The following RALGAPA2 variants were observed in gnomAD, a reference collection of about 807,000 sequenced individuals.
RALGAPA2 encodes the protein ral GTPase-activating protein subunit alpha-2.
Under a neutral mutation model 230.4 loss-of-function variants are expected in RALGAPA2, and 139 were observed. The ratio of observed to expected loss-of-function variants is 0.60; its 90% CI spans 0.53 to 0.69. The LOEUF (loss-of-function observed/expected upper bound fraction) is 0.69, where lower values mean the gene tolerates loss of function less well. Ranked by LOEUF, RALGAPA2 falls within the 30% of genes least tolerant of loss-of-function variation. The probability of loss-of-function intolerance (pLI) is 0.00; values close to 1 mark genes in which losing one functional copy is unlikely to be tolerated. For synonymous variants in RALGAPA2, 847 were observed against 837.8 expected (o/e 1.01, Z -0.19); for missense variants, 2,163 against 2,276.0 (o/e 0.95, Z 1.01).
At chr20:20,537,205 C>T (rs1416416302) in intron 24 of RALGAPA2, among the ~76,000 whole-genome samples, 1 of 152,048 alleles carries the variant, frequency 6.6e-6, no homozygotes, top group Non-Finnish European at 1.5e-5. Flanking sequence ...AAAGAGAAGA[C>T]AAACTATCAA....
chr20:20,536,802 G>T lies in RALGAPA2; in HGVS notation c.3286-18C>A. The T allele has an allele frequency of 6.2e-7, 1 of 1,605,572 alleles. No individual in the cohort carries two copies. Among genetic ancestry groups the T allele is most frequent in the South Asian group, 1.1e-5 (1 of 89,972 alleles). ...CGAGGCGCCTGCACATAAGGAAGAG[G>T]AGCACACACATTTCTCTTTTTGTAA... On this transcript the variant is annotated intron_variant, in intron 24 of 39. Transcript: ENST00000202677.
chr20:20,418,641 T>C (rs1472775976), intron 37 of RALGAPA2, among the ~76,000 whole-genome samples: 3 of 152,212 alleles, frequency 2.0e-5, no homozygotes, highest in Non-Finnish European at 2.9e-5. Context: ...AAATGAACTA[T>C]AGGCATGTGT....
intron 23 of RALGAPA2, among the ~76,000 whole-genome samples, chr20:20,551,139 T>G (rs2063913571): frequency 6.6e-6 from 1 of 152,238 alleles, no homozygotes; most frequent in Admixed American, 6.5e-5. Context: ...CATTTTAGAT[T>G]TTCTAGGATT....
At position 20,511,334 on chromosome 20, in the gene RALGAPA2, A is replaced by G; in HGVS notation, c.4857-9T>C. On this transcript the variant is annotated splice_polypyrimidine_tract_variant and intron_variant, in intron 32 of 39. Coordinates refer to ENST00000202677, the MANE Select transcript of RALGAPA2 (RefSeq NM_020343.4). ...ATAGATGAAAATTCTTCCTATAAAGAAAAAAGGATGGAAGAAAAACCATGT... is the reference window on the plus strand; with the variant it reads ...ATAGATGAAAATTCTTCCTATAAAGGAAAAAGGATGGAAGAAAAACCATGT... 5.8e-6 allele frequency: 9 copies of G among 1,541,790 alleles called. No individual in the cohort carries two copies. The highest frequency in any genetic ancestry group is 7.9e-6 in the Non-Finnish European group (9 of 1,145,498).
At chr20:20,485,649 A>C (rs2061892201) in intron 36 of RALGAPA2, among the ~76,000 whole-genome samples, 1 of 152,206 alleles carries the variant, frequency 6.6e-6, no homozygotes, top group Non-Finnish European at 1.5e-5. Context: ...ATACATTTAT[A>C]ACTAACCCAA....
intron 24 of RALGAPA2, among the ~76,000 whole-genome samples, chr20:20,544,720 G>A (rs138443454): frequency 0.089 from 13,504 of 152,218 alleles, 717 homozygotes; most frequent in Middle Eastern, 0.13. Flanking sequence ...GTCCTTTGCA[G>A]GGATATGGAT....
At chr20:20,586,384 G>A (rs2065135125) in intron 18 of RALGAPA2, among the ~76,000 whole-genome samples, 1 of 152,196 alleles carries the variant, frequency 6.6e-6, no homozygotes, top group Middle Eastern at 3.2e-3. Context: ...CAAACATACT[G>A]TTGAAATGTC....
intron 17 of RALGAPA2, 122 bp from the exon 18 acceptor site, chr20:20,589,487 G>A: frequency 9.2e-7 from 1 of 1,085,498 alleles, no homozygotes. Context: ...TGTAAAAACA[G>A]GAGTTATGGG....
chr20:20,559,713 G>A lies in RALGAPA2; in HGVS notation c.3156+11745C>T, dbSNP rs150391265. 1.9e-3 allele frequency among the ~76,000 whole-genome samples: 285 copies of A among 151,098 alleles called. 8 individuals are homozygous for A. In the East Asian group the frequency reaches 0.05, roughly 26 times the overall value. ...TTTAAGTGTAGATTTTTGAGCTAAT[G>A]AGGAAATAGGAGGAGGAGGGCTTTA... On this transcript the variant is annotated intron_variant, in intron 23 of 39. Transcript: ENST00000202677.
intron 35 of RALGAPA2, among the ~76,000 whole-genome samples, chr20:20,500,842 G>A (rs796503979): frequency 1.3e-5 from 2 of 152,300 alleles, no homozygotes; most frequent in African/African-American, 4.8e-5. Flanking sequence ...ATTACTCCTT[G>A]ATCTGTGGGT....
intron 39 of RALGAPA2, among the ~76,000 whole-genome samples, chr20:20,396,236 C>T (rs1263809959): frequency 2.0e-5 from 3 of 152,270 alleles, no homozygotes; most frequent in Non-Finnish European, 4.4e-5. Flanking sequence ...CATTCAGCAG[C>T]CCCCGCCACA....
intron 39 of RALGAPA2, among the ~76,000 whole-genome samples, chr20:20,395,679 G>A (rs2059699192): frequency 1.3e-5 from 2 of 152,152 alleles, no homozygotes; most frequent in South Asian, 4.1e-4. Flanking sequence ...TAAGCCTTGG[G>A]TGAGGGGAAG....
intron 1 of RALGAPA2, among the ~76,000 whole-genome samples, chr20:20,688,839 G>A (rs947186039): frequency 7.2e-5 from 11 of 152,116 alleles, no homozygotes; most frequent in East Asian, 1.9e-4. Flanking sequence ...TTTAAAAATC[G>A]AGGTAAAACC....
Position 20,589,252 on chromosome 20 carries a change from C to A in RALGAPA2, c.2439+16G>T. On this transcript the variant is annotated intron_variant, in intron 18 of 39. Transcript: ENST00000202677. ...TATTTTTAATGACAAACTGAAATGG[C>A]TTGAAAATATCTTACTGTTATTCCT... 4 of 1,542,078 alleles carry A rather than the reference C, an allele frequency of 2.6e-6. No homozygotes were observed. The highest frequency in any genetic ancestry group is 3.5e-6 in the Non-Finnish European group (4 of 1,142,780).
intron 37 of RALGAPA2, among the ~76,000 whole-genome samples, chr20:20,422,832 A>C (rs2060304607): frequency 6.6e-6 from 1 of 152,190 alleles, no homozygotes; most frequent in African/African-American, 2.4e-5. Context: ...CACAGCATTC[A>C]CAGCTTATAT....
chr20:20,418,630 T>C (rs894431307), intron 37 of RALGAPA2, among the ~76,000 whole-genome samples: 7 of 152,082 alleles, frequency 4.6e-5, no homozygotes, highest in Admixed American at 1.3e-4. Flanking sequence ...GCAGTGAAAA[T>C]AAATGAACTA....
At chr20:20,450,243 G>A (rs912583135) in intron 37 of RALGAPA2, among the ~76,000 whole-genome samples, 1 of 152,204 alleles carries the variant, frequency 6.6e-6, no homozygotes, top group Non-Finnish European at 1.5e-5. Flanking sequence ...TTTTGGGATG[G>A]ACTCTAAGTG....
chr20:20,712,522 C>T lies in RALGAPA2; in HGVS notation c.-42G>A. 6.6e-7 allele frequency: 1 copy of T among 1,523,208 alleles called. No individual in the cohort carries two copies. Among genetic ancestry groups the T allele is most frequent in the Non-Finnish European group, 8.8e-7 (1 of 1,135,744 alleles). 94.4% of individuals were successfully genotyped at this position (1,523,208 alleles called of 1,614,324 possible). On this transcript the variant is annotated 5_prime_UTR_variant, in exon 1 of 40. Coordinates refer to ENST00000202677, the MANE Select transcript of RALGAPA2 (RefSeq NM_020343.4). The surrounding 1 kb of genome is among the most constrained non-coding windows in gnomAD (Gnocchi z 5.5). ...CGGGCCCCGCCGGCGGGGCAGTAGG[C>T]GCCTGCGCCACGCGAATCAAAGCAT...
chr20:20,596,978 C>T (rs1184969872), intron 16 of RALGAPA2, among the ~76,000 whole-genome samples: 2 of 152,172 alleles, frequency 1.3e-5, no homozygotes, highest in South Asian at 2.1e-4. Context: ...TGCTCTAAAT[C>T]ACATTTAACT....
Sources: allele counts gnomAD v4.1 joint callset (sites outside exome capture counted in the v4.1 genomes callset), GRCh38; gene constraint gnomAD v4.1.1; non-coding constraint Gnocchi (gnomAD v3.1); transcripts MANE v1.5; gene names NCBI Gene and HGNC (gene_info 2026-07-23, HGNC 2026-07-21).